PDGFC: variants seen among roughly 807,000 people sequenced by gnomAD.
The protein encoded by PDGFC is platelet-derived growth factor C.
In PDGFC, 12 loss-of-function variants were observed where a neutral mutation model predicts 35.5. That is an observed-to-expected ratio of 0.34 (90% CI 0.22 to 0.55). The LOEUF (loss-of-function observed/expected upper bound fraction) is 0.55, where lower values mean the gene tolerates loss of function less well. Ranked by LOEUF, PDGFC falls within the 20% of genes least tolerant of loss-of-function variation. The pLI, the probability that PDGFC is intolerant of heterozygous loss-of-function variation, is 0.91. For missense variants in PDGFC, 322 were observed against 412.4 expected (o/e 0.78, Z 1.90); for synonymous variants, 159 against 148.8 (o/e 1.07, Z -0.50).
In PDGFC at chr4:156,775,458, T is replaced by A. The variant is rs1179867381; in HGVS notation, c.496-2565A>T. Among the ~76,000 whole-genome samples, 5 of 152,332 alleles carry A rather than the reference T, an allele frequency of 3.3e-5. No homozygotes were observed. The East Asian group carries it at 9.6e-4, about 29-fold the overall frequency. ...TTATTAAATTGTCAGGGTGCAGATG[T>A]ATATTTTAAGCATAAAATATAATTG... On this transcript the variant is annotated intron_variant, in intron 3 of 5. Coordinates refer to ENST00000502773, the MANE Select transcript of PDGFC (RefSeq NM_016205.3).
intron 2 of PDGFC, among the ~76,000 whole-genome samples, chr4:156,812,166 T>C (rs181463979): frequency 2.0e-5 from 3 of 152,162 alleles, no homozygotes; most frequent in East Asian, 1.9e-4. Flanking sequence ...TGGAAAAACA[T>C]GTCACTAACA....
intron 1 of PDGFC, among the ~76,000 whole-genome samples, chr4:156,949,499 T>A (rs949916648): frequency 6.6e-5 from 10 of 151,796 alleles, no homozygotes; most frequent in Admixed American, 5.3e-4. Flanking sequence ...GCTGCAATAT[T>A]TCTTTATAAC....
chr4:156,936,074 T>C (rs891891027), intron 1 of PDGFC, among the ~76,000 whole-genome samples: 4 of 152,198 alleles, frequency 2.6e-5, no homozygotes, highest in African/African-American at 9.7e-5. Context: ...TATTAAAATA[T>C]AAATAAGCAC....
At chr4:156,849,550 A>G (rs112229664) in intron 2 of PDGFC, among the ~76,000 whole-genome samples, 4 of 152,178 alleles carry the variant, frequency 2.6e-5, no homozygotes, top group African/African-American at 9.6e-5. Context: ...GTGTATTCAT[A>G]TGGGATTTAC....
chr4:156,870,418 G>C (rs2111140833), intron 1 of PDGFC, among the ~76,000 whole-genome samples: 1 of 152,140 alleles, frequency 6.6e-6, no homozygotes, highest in South Asian at 2.1e-4. Flanking sequence ...TGAATTTAAG[G>C]AGACATTTTT....
intron 1 of PDGFC, among the ~76,000 whole-genome samples, chr4:156,916,148 G>A (rs545399043): frequency 6.6e-6 from 1 of 151,972 alleles, no homozygotes; most frequent in Admixed American, 6.5e-5. Context: ...TTTCATTCAT[G>A]AACAAAATTC....
At chr4:156,896,643 T>C (rs987729172) in intron 1 of PDGFC, among the ~76,000 whole-genome samples, 3 of 152,194 alleles carry the variant, frequency 2.0e-5, no homozygotes, top group Non-Finnish European at 2.9e-5. Context: ...AGAAAAGTCA[T>C]ACATAACACA....
intron 2 of PDGFC, among the ~76,000 whole-genome samples, chr4:156,832,535 G>T (rs993574797): frequency 6.6e-6 from 1 of 152,258 alleles, no homozygotes. Flanking sequence ...GATTATAGGT[G>T]TCAGCCACCA....
intron 3 of PDGFC, among the ~76,000 whole-genome samples, chr4:156,776,142 T>C (rs905827218): frequency 6.6e-6 from 1 of 152,220 alleles, no homozygotes; most frequent in Non-Finnish European, 1.5e-5. Context: ...AAAATGTCTT[T>C]GAATTTTTAA....
intron 1 of PDGFC, among the ~76,000 whole-genome samples, chr4:156,934,749 T>C (rs970052559): frequency 1.3e-5 from 2 of 152,318 alleles, no homozygotes; most frequent in South Asian, 4.1e-4. Context: ...ATTTTTTTTA[T>C]TTTGTTTTAC....
intron 2 of PDGFC, among the ~76,000 whole-genome samples, chr4:156,820,469 G>C (rs7677560): frequency 0.059 from 9,021 of 152,168 alleles, 880 homozygotes; most frequent in African/African-American, 0.2. Context: ...AAAAAGATGA[G>C]AACTCAAATT....
intron 2 of PDGFC, chr4:156,841,502 GTTT>G (rs563021439): frequency 1.4e-5 from 2 of 139,172 alleles, no homozygotes; most frequent in African/African-American, 5.3e-5. Flanking sequence ...GTCTCAGGCA[GTTT>G]TTTTTTTTTT....
chr4:156,937,049 A>G (rs1009614263), intron 1 of PDGFC, among the ~76,000 whole-genome samples: 1 of 152,222 alleles, frequency 6.6e-6, no homozygotes, highest in African/African-American at 2.4e-5. Flanking sequence ...GGGAACATCC[A>G]CGTAGACAGC....
At chr4:156,810,780 T>C (rs1454272772) in intron 3 of PDGFC, 57 bp downstream of exon 3, 3 of 1,120,340 alleles carry the variant, frequency 2.7e-6, no homozygotes, top group Admixed American at 5.3e-5. Flanking sequence ...AGGAGAAAAA[T>C]AAAAAGAAAC....
At chr4:156,828,973 A>G (rs1165018697) in intron 2 of PDGFC, among the ~76,000 whole-genome samples, 1 of 152,196 alleles carries the variant, frequency 6.6e-6, no homozygotes, top group Non-Finnish European at 1.5e-5. Flanking sequence ...ATTCTGTGGA[A>G]ACTAAACTAT....
At chr4:156,916,803 G>A (rs1278433337) in intron 1 of PDGFC, among the ~76,000 whole-genome samples, 1 of 152,134 alleles carries the variant, frequency 6.6e-6, no homozygotes, top group African/African-American at 2.4e-5. Flanking sequence ...AAACAAAGTG[G>A]TTTTCTAACT....
intron 1 of PDGFC, among the ~76,000 whole-genome samples, chr4:156,959,270 C>A (rs772244653): frequency 6.6e-6 from 1 of 151,726 alleles, no homozygotes; most frequent in African/African-American, 2.4e-5. Context: ...AACAAATAAA[C>A]AAAAAATAAG....
At chr4:156,774,155 C>T (rs924196273) in intron 3 of PDGFC, among the ~76,000 whole-genome samples, 2 of 152,138 alleles carry the variant, frequency 1.3e-5, no homozygotes, top group African/African-American at 4.8e-5. Flanking sequence ...AAATTCCTTA[C>T]ACAGCATTCA....
At chr4:156,923,686 A>G (rs549731104) in intron 1 of PDGFC, among the ~76,000 whole-genome samples, 3 of 152,310 alleles carry the variant, frequency 2.0e-5, no homozygotes, top group Admixed American at 6.5e-5. Context: ...AAAATAACCT[A>G]TAAAATTCCC....
Sources: allele counts gnomAD v4.1 joint callset (sites outside exome capture counted in the v4.1 genomes callset), GRCh38; gene constraint gnomAD v4.1.1; transcripts MANE v1.5; gene names NCBI Gene and HGNC (gene_info 2026-07-23, HGNC 2026-07-21).